XPO7: variants seen among roughly 807,000 people sequenced by gnomAD.
The protein encoded by XPO7 is exportin-7.
A neutral mutation model predicts 144.3 loss-of-function variants in XPO7; 21 were observed. That is an observed-to-expected ratio of 0.15 (90% CI 0.10 to 0.21). The LOEUF is 0.21. Among genes scored for constraint, XPO7 ranks in the 10% least tolerant of loss-of-function variants. The pLI, the probability that XPO7 is intolerant of heterozygous loss-of-function variation, is 1.00. For missense variants in XPO7, 808 were observed against 1,325.8 expected (o/e 0.61, Z 6.06); for synonymous variants, 580 against 499.6 (o/e 1.16, Z -2.15).
At chr8:21,972,946 A>G (rs1812114148) in intron 5 of XPO7, among the ~76,000 whole-genome samples, 2 of 152,364 alleles carry the variant, frequency 1.3e-5, no homozygotes, top group South Asian at 4.1e-4. Context: ...TACCAAAATA[A>G]TAACAGCTTA....
At chr8:22,000,641 G>A (rs1324371046) in intron 24 of XPO7, among the ~76,000 whole-genome samples, 1 of 151,968 alleles carries the variant, frequency 6.6e-6, no homozygotes, top group African/African-American at 2.4e-5. Flanking sequence ...TTTTAGTAGA[G>A]ACGGAGTTTC....
At chr8:21,987,602 A>G (rs1812623425) in intron 14 of XPO7, among the ~76,000 whole-genome samples, 182 bp from the exon 15 acceptor site, 1 of 152,400 alleles carries the variant, frequency 6.6e-6, no homozygotes. Context: ...GAAAGGGACC[A>G]GTAAGATTGC....
intron 13 of XPO7, among the ~76,000 whole-genome samples, chr8:21,985,892 G>A (rs1322557129): frequency 6.6e-6 from 1 of 152,170 alleles, no homozygotes; most frequent in East Asian, 1.9e-4. Context: ...ATTCAGAAAG[G>A]AAATAATGGA....
chr8:21,933,027 G>A (rs111423483), intron 1 of XPO7, among the ~76,000 whole-genome samples: 2,067 of 152,076 alleles, frequency 0.014, 28 homozygotes, highest in South Asian at 0.034. Context: ...TTTTACTGCC[G>A]GGATTATAGG....
rs149083515 is a variant in XPO7 at position 21,927,866 on chromosome 8, C to A, written c.18+8078C>A. On this transcript the variant is annotated intron_variant, in intron 1 of 27. Transcript: ENST00000252512. ...GGCTGACCCAACTTCTTATCTATTC[C>A]TCCCATACCCGTCCCCTCAAATGTA... is the stretch of plus-strand genomic sequence containing the variant. Among the ~76,000 whole-genome samples the A allele has an allele frequency of 3.1e-3, 469 of 152,240 alleles. 9 individuals carry two copies. The highest frequency in any genetic ancestry group is 0.025 in the Admixed American group (380 of 15,284).
At chr8:21,924,385 TCAGTATTATC>T (rs1810391529) in intron 1 of XPO7, among the ~76,000 whole-genome samples, 1 of 152,094 alleles carries the variant, frequency 6.6e-6, no homozygotes, top group Admixed American at 6.5e-5. Flanking sequence ...CCAAATCAAG[TCAGTATTATC>T]GGTGCCCCAG....
In XPO7 at chr8:21,994,798, A is replaced by C. The variant is rs1057493037; in HGVS notation, c.2237+347A>C. On this transcript the variant is annotated intron_variant, in intron 20 of 27. Coordinates refer to ENST00000252512, the MANE Select transcript of XPO7 (RefSeq NM_015024.5). ...GCCAGGCACGGTGGCTCACGCCTGTAATCCCAGCACTTAGGGAGGCCGAGG... is the reference window on the plus strand; with the variant it reads ...GCCAGGCACGGTGGCTCACGCCTGTCATCCCAGCACTTAGGGAGGCCGAGG... 3.2e-4 allele frequency among the ~76,000 whole-genome samples: 49 copies of C among 152,186 alleles called. 1 individual carries two copies. The highest frequency in any genetic ancestry group is 7.4e-5 in the Non-Finnish European group (5 of 68,026).
intron 7 of XPO7, 115 bp from the exon 8 acceptor site, chr8:21,977,655 A>T: frequency 1.1e-6 from 1 of 926,990 alleles, no homozygotes; most frequent in East Asian, 2.7e-5. Flanking sequence ...GGAAATAAAT[A>T]CTCTGTAAGA....
chr8:21,995,511 A>T lies in XPO7; in HGVS notation c.2257A>T (p.Ile753Phe). ...TTACAGATATCCATCCTATATGCCA[A>T]TTCTCCAACGGGCAATTGAGCTCTG... ...FEWIYPSYMPILQRAIELWYH... is the reference protein window; with the variant it reads ...FEWIYPSYMPFLQRAIELWYH... Residue 753 changes from isoleucine (I) to phenylalanine (F), a missense_variant, in exon 21 of 28, where the codon ATT becomes TTT. Ile to Phe is a conservative substitution (Grantham distance 21). Transcript: ENST00000252512. 6.2e-7 allele frequency: 1 copy of T among 1,609,044 alleles called. No homozygotes were observed. The highest frequency in any genetic ancestry group is 8.5e-7 in the Non-Finnish European group (1 of 1,177,490).
intron 17 of XPO7, 87 bp downstream of exon 17, chr8:21,990,494 T>TC: frequency 6.9e-7 from 1 of 1,442,278 alleles, no homozygotes; most frequent in East Asian, 2.3e-5. Flanking sequence ...TAAACTGAGG[T>TC]CCCGGGTATT....
At chr8:21,986,549 C>A (rs753196976) in intron 13 of XPO7, among the ~76,000 whole-genome samples, 1 of 152,182 alleles carries the variant, frequency 6.6e-6, no homozygotes, top group Non-Finnish European at 1.5e-5. Context: ...TTAATCCTGA[C>A]AAAAGTCTCC....
chr8:21,965,767 A>C (rs1811863448), intron 1 of XPO7, among the ~76,000 whole-genome samples: 1 of 152,232 alleles, frequency 6.6e-6, no homozygotes, highest in Non-Finnish European at 1.5e-5. Context: ...TAATGAAATA[A>C]AGTGATAATG....
chr8:21,923,983 A>T (rs1273012495), intron 1 of XPO7, among the ~76,000 whole-genome samples: 1 of 152,176 alleles, frequency 6.6e-6, no homozygotes, highest in Admixed American at 6.5e-5. Flanking sequence ...AGGGTTAGGA[A>T]TCTGGGAGTG....
intron 24 of XPO7, among the ~76,000 whole-genome samples, chr8:22,001,631 A>T (rs1469568987): frequency 6.6e-6 from 1 of 152,204 alleles, no homozygotes; most frequent in Non-Finnish European, 1.5e-5. Flanking sequence ...ATAGGCTCAT[A>T]CCCCAGGCTT....
In XPO7 at chr8:21,999,133, T is replaced by A; in HGVS notation, c.2471T>A (p.Val824Asp). The A allele has an allele frequency of 1.2e-6, 2 of 1,613,864 alleles. No individual in the cohort carries two copies. Residue 824 changes from valine to aspartate, a missense_variant, in exon 23 of 28, where the codon GTC becomes GAC. Physicochemically the swap from Val to Asp is radical, Grantham distance 152 (BLOSUM62 -3). This residue lies in a region of XPO7 where 416 missense variants were observed against 612.5 expected (regional missense o/e 0.68). Coordinates refer to ENST00000252512, the MANE Select transcript of XPO7 (RefSeq NM_015024.5). ...LTLGEVPKDQ[V>D]YALKLKGISI... The stretch of plus-strand genomic sequence containing the variant: ...CTAGGAGAGGTCCCAAAGGATCAGG[T>A]CTATGCTCTGAAGCTCAAGGGCATC...
At chr8:22,004,279 C>G (rs1434917735) in intron 27 of XPO7, among the ~76,000 whole-genome samples, 3 of 152,048 alleles carry the variant, frequency 2.0e-5, no homozygotes, top group Non-Finnish European at 4.4e-5. Flanking sequence ...TTTTCACATT[C>G]TTTTTGTACT....
At chr8:21,931,001 C>G (rs1810627496) in intron 1 of XPO7, among the ~76,000 whole-genome samples, 1 of 151,940 alleles carries the variant, frequency 6.6e-6, no homozygotes, top group African/African-American at 2.4e-5. Flanking sequence ...CACCACCATG[C>G]CCAGCTAATT....
rs114523321 is a variant in XPO7, at chr8:21,944,306, C to T, written c.19-22551C>T. Among the ~76,000 whole-genome samples the T allele has an allele frequency of 1.8e-3, 267 of 152,222 alleles. 1 individual carries two copies. The highest frequency in any genetic ancestry group is 6.2e-3 in the African/African-American group (257 of 41,548). On this transcript the variant is annotated intron_variant, in intron 1 of 27. Transcript: ENST00000252512. ...AAAAAATAAGGGTCAAACGCGGTGGCCCTGTAATCCCAGCACTTTGGGAGG... is the reference window on the plus strand; with the variant it reads ...AAAAAATAAGGGTCAAACGCGGTGGTCCTGTAATCCCAGCACTTTGGGAGG...
In XPO7 at chr8:21,919,755, G is replaced by C; in HGVS notation, c.-16G>C. On this transcript the variant is annotated 5_prime_UTR_variant, in exon 1 of 28. Coordinates refer to ENST00000252512, the MANE Select transcript of XPO7 (RefSeq NM_015024.5). Reference sequence around the variant, plus strand: ...GGGGGGGAGGGGGGGCCGGAGAGGAGCATGAATGGAGCAAAATGGCGGATC... The same window carrying C: ...GGGGGGGAGGGGGGGCCGGAGAGGACCATGAATGGAGCAAAATGGCGGATC... 1.8e-6 allele frequency: 1 copy of C among 549,382 alleles called. No individual in the cohort carries two copies. Among genetic ancestry groups the C allele is most frequent in the Non-Finnish European group, 2.5e-6 (1 of 394,240 alleles). The allele number at this position is 549,382 out of a possible 1,614,324, so 34.0% of individuals were successfully genotyped here.
Sources: gnomAD v4.1 joint callset for allele counts (sites outside exome capture counted in the v4.1 genomes callset) on GRCh38, gnomAD v4.1.1 for gene constraint, gnomAD v4.1.1 regional missense constraint, MANE v1.5 for transcripts, NCBI Gene and HGNC (gene_info 2026-07-23, HGNC 2026-07-21) for gene names.